SPATA17: variants seen among roughly 807,000 people sequenced by gnomAD.
SPATA17 encodes the protein spermatogenesis-associated protein 17.
Under a neutral mutation model 62.2 loss-of-function variants are expected in SPATA17, and 53 were observed. That is an observed-to-expected ratio of 0.85 (90% CI 0.68 to 1.07). SPATA17 has a LOEUF of 1.07. Ranked by LOEUF, SPATA17 falls within the 50% of genes least tolerant of loss-of-function variation. The probability of loss-of-function intolerance (pLI) is 0.00; values close to 1 mark genes in which losing one functional copy is unlikely to be tolerated. For synonymous variants in SPATA17, 146 were observed against 146.8 expected (o/e 0.99, Z 0.04); for missense variants, 466 against 425.5 (o/e 1.10, Z -0.84).
chr1:217,648,827 T>G, intron 1 of SPATA17, 55 bp from the exon 2 acceptor site: 2 of 1,082,074 alleles, frequency 1.8e-6, no homozygotes, highest in Non-Finnish European at 2.7e-6. Context: ...CAGGTTGACT[T>G]GCTTTAGAAT....
chr1:217,732,715 A>G (rs909105916), intron 5 of SPATA17, among the ~76,000 whole-genome samples: 1 of 152,182 alleles, frequency 6.6e-6, no homozygotes, highest in African/African-American at 2.4e-5. Context: ...GACCTTGTTA[A>G]TAATATCTGC....
At chr1:217,666,591 A>T (rs1209746658) in intron 3 of SPATA17, among the ~76,000 whole-genome samples, 2 of 152,146 alleles carry the variant, frequency 1.3e-5, no homozygotes, top group Admixed American at 6.5e-5. Flanking sequence ...TACCACTTCA[A>T]TCATTTTTAA....
intron 8 of SPATA17, among the ~76,000 whole-genome samples, chr1:217,786,528 A>G (rs927594682): frequency 6.6e-6 from 1 of 152,178 alleles, no homozygotes; most frequent in African/African-American, 2.4e-5. Flanking sequence ...AAATTGCAAA[A>G]AAGTTCAAGA....
intron 6 of SPATA17, among the ~76,000 whole-genome samples, chr1:217,750,827 T>C (rs1279276093): frequency 6.6e-6 from 1 of 152,190 alleles, no homozygotes; most frequent in Non-Finnish European, 1.5e-5. Flanking sequence ...CCTTCTCTCT[T>C]AACCGATTAA....
chr1:217,811,362 A>T (rs1288629832), intron 9 of SPATA17, among the ~76,000 whole-genome samples: 1 of 152,158 alleles, frequency 6.6e-6, no homozygotes, highest in African/African-American at 2.4e-5. Context: ...ATAAATCATC[A>T]GTCCCTCCTA....
At chr1:217,829,569 A>C (rs186888784) in intron 9 of SPATA17, among the ~76,000 whole-genome samples, 1 of 131,228 alleles carries the variant, frequency 7.6e-6, no homozygotes, top group East Asian at 2.7e-4. Context: ...TGGAGGTTGC[A>C]GTGAGCCGAG....
Position 217,774,912 on chromosome 1 carries a change from G to A in SPATA17, c.723+375G>A, listed in dbSNP as rs534007743. On this transcript the variant is annotated intron_variant, in intron 7 of 10. Coordinates refer to ENST00000366933, the MANE Select transcript of SPATA17 (RefSeq NM_138796.4). ...ATCCATTTATCTGCATTTGGCATTT[G>A]AGTTGCGACCACACTTTATGTATTG... Among the ~76,000 whole-genome samples the A allele has an allele frequency of 2.6e-5, 4 of 152,280 alleles. No homozygotes were observed. In the East Asian group the frequency reaches 7.7e-4, roughly 29 times the overall value.
chr1:217,656,546 A>ATATG (rs34179742), intron 3 of SPATA17, among the ~76,000 whole-genome samples: 32,947 of 150,526 alleles, frequency 0.22, 3,773 homozygotes, highest in Non-Finnish European at 0.25. Context: ...TAGGTCTGAT[A>ATATG]TATGTATGTA....
At chr1:217,654,717 CTT>C (rs199930213) in intron 3 of SPATA17, among the ~76,000 whole-genome samples, 17 of 134,544 alleles carry the variant, frequency 1.3e-4, no homozygotes, top group Non-Finnish European at 9.6e-5. Context: ...TTTACATAAT[CTT>C]TTTTTTTTTT....
At chr1:217,821,718 A>G (rs1674866733) in intron 9 of SPATA17, among the ~76,000 whole-genome samples, 1 of 152,090 alleles carries the variant, frequency 6.6e-6, no homozygotes, top group Non-Finnish European at 1.5e-5. Context: ...AGCATTAATT[A>G]TGCTGTTATG....
At chr1:217,683,439 A>T in intron 5 of SPATA17, 78 bp downstream of exon 5, 1 of 977,128 alleles carries the variant, frequency 1.0e-6, no homozygotes, top group Non-Finnish European at 1.6e-6. Flanking sequence ...CACCATAGTT[A>T]GAAATATTTT....
chr1:217,846,064 A>G (rs1675519560), intron 9 of SPATA17, among the ~76,000 whole-genome samples: 1 of 152,146 alleles, frequency 6.6e-6, no homozygotes, highest in African/African-American at 2.4e-5. Flanking sequence ...TCACATTAAC[A>G]GACTAACAGT....
At chr1:217,834,435 A>G (rs1023606019) in intron 9 of SPATA17, among the ~76,000 whole-genome samples, 1 of 152,098 alleles carries the variant, frequency 6.6e-6, no homozygotes, top group African/African-American at 2.4e-5. Context: ...TTGCCCCAAG[A>G]TACCTTCTAG....
At position 217,794,699 on chromosome 1, in the gene SPATA17, C is replaced by G. The variant is rs555161763; in HGVS notation, c.873-7019C>G. ...TGGCAACAATTGATTAAAACTTGGA[C>G]TCTTTGGTTTACATCTGACTCGTTT... On this transcript the variant is annotated intron_variant, in intron 8 of 10. Transcript: ENST00000366933. Among the ~76,000 whole-genome samples, 5 of 152,296 alleles carry G rather than the reference C, an allele frequency of 3.3e-5. No homozygotes were observed. The South Asian group carries it at 1.0e-3, about 32-fold the overall frequency.
At chr1:217,830,040 A>G (rs1675097149) in intron 9 of SPATA17, among the ~76,000 whole-genome samples, 1 of 152,112 alleles carries the variant, frequency 6.6e-6, no homozygotes, top group Non-Finnish European at 1.5e-5. Flanking sequence ...AACCTCAAAT[A>G]TACACAATAA....
At chr1:217,634,775 A>G (rs563379409) in intron 1 of SPATA17, among the ~76,000 whole-genome samples, 3 of 152,254 alleles carry the variant, frequency 2.0e-5, no homozygotes, top group Non-Finnish European at 4.4e-5. Flanking sequence ...TATGTCAGGA[A>G]TGAACGAGGA....
At chr1:217,701,732 T>C (rs970559356) in intron 5 of SPATA17, among the ~76,000 whole-genome samples, 11 of 152,154 alleles carry the variant, frequency 7.2e-5, no homozygotes, top group African/African-American at 2.7e-4. Context: ...TGCCTGGTAT[T>C]ATGGCTTTTA....
intron 6 of SPATA17, among the ~76,000 whole-genome samples, chr1:217,765,157 T>TC (rs1426348016): frequency 6.6e-6 from 1 of 151,246 alleles, no homozygotes; most frequent in African/African-American, 2.4e-5. Context: ...GCATCTTCTT[T>TC]CCTTTTTTTT....
rs1288319428 is a variant in SPATA17, at chr1:217,796,418, A to G, written c.873-5300A>G. Among the ~76,000 whole-genome samples, 3 of 152,258 alleles carry G rather than the reference A, an allele frequency of 2.0e-5. No individual in the cohort carries two copies. In the East Asian group the frequency reaches 5.8e-4, roughly 29 times the overall value. On this transcript the variant is annotated intron_variant, in intron 8 of 10. Transcript: ENST00000366933. ...AATCCAGGGAAATGTATTCCTCTGA[A>G]GCTAAGAAAAATGTAAGGAAAAGGG...
Sources: allele counts gnomAD v4.1 joint callset (sites outside exome capture counted in the v4.1 genomes callset), GRCh38; gene constraint gnomAD v4.1.1; transcripts MANE v1.5; gene names NCBI Gene and HGNC (gene_info 2026-07-23, HGNC 2026-07-21).